The following ADORA1 variants were observed in gnomAD, a reference collection of about 807,000 sequenced individuals.
The protein encoded by ADORA1 is adenosine A1 receptor.
In ADORA1, 6 loss-of-function variants were observed where a neutral mutation model predicts 19.9. That is an observed-to-expected ratio of 0.30 (90% CI 0.17 to 0.59). The LOEUF is 0.59. ADORA1 is among the 20% of genes least tolerant of loss of function. The probability of loss-of-function intolerance (pLI) is 0.87; values close to 1 mark genes in which losing one functional copy is unlikely to be tolerated. For missense variants in ADORA1, 302 were observed against 439.2 expected, an observed-to-expected ratio of 0.69 and a Z score of 2.79; for synonymous variants, 194 against 188.4, an observed-to-expected ratio of 1.03 and a Z score of -0.24.
chr1:203,163,182 G>T (rs555974981), intron 3 of ADORA1, among the ~76,000 whole-genome samples: 7 of 152,344 alleles, frequency 4.6e-5, no homozygotes, highest in African/African-American at 1.7e-4. Flanking sequence ...GAGTTTTCCA[G>T]GTGGCCATTT....
Position 203,165,520 on chromosome 1 carries a change from C to T in ADORA1, c.601C>T (p.Leu201=), listed in dbSNP as rs144484179. ...GCTTCTCCTCATGGTCCTCATCTAC[C>T]TGGAGGTCTTCTACCTAATCCGCAA... The part of the protein sequence containing the change: ...PPLLLMVLIY[L]EVFYLIRKQL... The change falls in exon 4 of 4, where the codon CTG becomes TTG. Residue 201 remains leucine (L), a synonymous_variant. Coordinates refer to ENST00000337894, the MANE Select transcript of ADORA1 (RefSeq NM_000674.3). This position sits in a 1 kb window ranked among gnomAD's most constrained non-coding sequence, Gnocchi z 5.9. 1.9e-6 allele frequency: 3 copies of T among 1,613,618 alleles called. No homozygotes were observed. Among genetic ancestry groups the T allele is most frequent in the African/African-American group, 2.7e-5 (2 of 74,922 alleles).
At chr1:203,154,591 T>C (rs1349895927) in intron 3 of ADORA1, among the ~76,000 whole-genome samples, 1 of 152,136 alleles carries the variant, frequency 6.6e-6, no homozygotes, top group Non-Finnish European at 1.5e-5. Context: ...CTGGTGTGTG[T>C]TGGAGCCATG....
rs140921784 is a variant in ADORA1, at chr1:203,146,790, C to T, written c.341+17608C>T. On this transcript the variant is annotated intron_variant, in intron 3 of 3. Transcript: ENST00000337894. ...CTGCCTGGGTTCCTGTCGGTCCTGC[C>T]GGCTTTCTCTCGGCCTGAGTCTGCT... Among the ~76,000 whole-genome samples, 236 of 152,316 alleles carry T rather than the reference C, an allele frequency of 1.5e-3. 1 individual carries two copies. The highest frequency in any genetic ancestry group is 3.8e-3 in the African/African-American group (156 of 41,568).
At chr1:203,162,029 C>T (rs1655387461) in intron 3 of ADORA1, among the ~76,000 whole-genome samples, 1 of 152,242 alleles carries the variant, frequency 6.6e-6, no homozygotes, top group African/African-American at 2.4e-5. Context: ...GCTCCCAGCA[C>T]AGCCCTCGGG....
At chr1:203,151,500 G>C (rs1655033611) in intron 3 of ADORA1, among the ~76,000 whole-genome samples, 1 of 152,216 alleles carries the variant, frequency 6.6e-6, no homozygotes, top group African/African-American at 2.4e-5. Flanking sequence ...CTTGCAACCT[G>C]TTTTGTATCT....
intron 3 of ADORA1, among the ~76,000 whole-genome samples, chr1:203,131,431 A>C (rs1654328166): frequency 6.6e-6 from 1 of 152,238 alleles, no homozygotes; most frequent in Non-Finnish European, 1.5e-5. Flanking sequence ...AGTGTCTGGC[A>C]CATCACAGAC....
At chr1:203,130,144 C>A (rs971262167) in intron 3 of ADORA1, among the ~76,000 whole-genome samples, 4 of 152,250 alleles carry the variant, frequency 2.6e-5, no homozygotes, top group Non-Finnish European at 5.9e-5. Context: ...CTCTGGCCAT[C>A]TCCAGCACCT....
intron 3 of ADORA1, among the ~76,000 whole-genome samples, chr1:203,161,754 T>A (rs1655375642): frequency 6.6e-6 from 1 of 152,066 alleles, no homozygotes; most frequent in Non-Finnish European, 1.5e-5. Context: ...TATTTTTTTT[T>A]AGTAGAGATG....
In ADORA1 at chr1:203,165,991, C is replaced by T; in HGVS notation, c.*91C>T. On this transcript the variant is annotated 3_prime_UTR_variant, in exon 4 of 4. Transcript: ENST00000337894. This position sits in a 1 kb window ranked among gnomAD's most constrained non-coding sequence, Gnocchi z 5.9. The stretch of plus-strand genomic sequence containing the variant: ...TGTCCCAGGGGTCTCCCTGAGCCTG[C>T]CCCAGCTGGGCTGTTGGCTGGGGGC... The T allele has an allele frequency of 6.9e-7, 1 of 1,439,736 alleles. No individual in the cohort carries two copies. Among genetic ancestry groups the T allele is most frequent in the Non-Finnish European group, 9.1e-7 (1 of 1,096,334 alleles). The allele number at this position is 1,439,736 out of a possible 1,614,324, so 89.2% of individuals were successfully genotyped here. A position where few individuals can be genotyped will look rare whatever the true frequency, so the allele number is the denominator to read the frequency against.
chr1:203,151,226 T>C lies in ADORA1; in HGVS notation c.342-14035T>C, dbSNP rs112324248. On this transcript the variant is annotated intron_variant, in intron 3 of 3. Transcript: ENST00000337894. ...CCTCCCATATCTCCAGTATCCTCCCTGGCCACTTCCCCAGTGGAGCTTTAC... is the reference window on the plus strand; with the variant it reads ...CCTCCCATATCTCCAGTATCCTCCCCGGCCACTTCCCCAGTGGAGCTTTAC... Among the ~76,000 whole-genome samples, 1,477 of 152,320 alleles carry C rather than the reference T, an allele frequency of 9.7e-3. 18 individuals carry two copies. Among genetic ancestry groups the C allele is most frequent in the South Asian group, 0.03 (144 of 4,826 alleles).
chr1:203,141,572 ATTTTTTTTT>A (rs56188119), intron 3 of ADORA1, among the ~76,000 whole-genome samples: 15 of 73,526 alleles, frequency 2.0e-4, no homozygotes, highest in Non-Finnish European at 2.1e-4. Context: ...TCTAACCTGG[ATTTTTTTTT>A]TTTTTTTTTT....
intron 3 of ADORA1, chr1:203,150,673 A>G (rs1238758668): frequency 7.8e-7 from 1 of 1,289,710 alleles, no homozygotes; most frequent in Non-Finnish European, 1.0e-6. Context: ...TGCAGCAGGA[A>G]GAACTGAAGT....
At chr1:203,157,437 A>G (rs149400598) in intron 3 of ADORA1, among the ~76,000 whole-genome samples, 174 of 152,348 alleles carry the variant, frequency 1.1e-3, no homozygotes, top group African/African-American at 3.8e-3. Context: ...TATTGGCTCT[A>G]CTGGGCTCAG....
At chr1:203,144,753 G>A (rs1345369123) in intron 3 of ADORA1, 2 of 152,258 alleles carry the variant, frequency 1.3e-5, no homozygotes, top group African/African-American at 4.8e-5. Context: ...CTGTCTGTGA[G>A]GCAGTGCTCT....
At chr1:203,143,484 A>C (rs1571792533) in intron 3 of ADORA1, among the ~76,000 whole-genome samples, 4 of 150,318 alleles carry the variant, frequency 2.7e-5, no homozygotes, top group Admixed American at 1.3e-4. Context: ...CCCCCCACCC[A>C]CCACCACAGT....
intron 3 of ADORA1, among the ~76,000 whole-genome samples, chr1:203,133,485 C>A (rs751859121): frequency 6.6e-6 from 1 of 152,214 alleles, no homozygotes; most frequent in East Asian, 1.9e-4. Context: ...GCCCAAACAG[C>A]TTGTCAGGGG....
intron 3 of ADORA1, among the ~76,000 whole-genome samples, chr1:203,155,018 T>G (rs1003202461): frequency 1.0e-3 from 51 of 50,130 alleles, no homozygotes; most frequent in Admixed American, 3.9e-3. Context: ...TCTTCCTATT[T>G]ATTATTATTA....
intron 3 of ADORA1, among the ~76,000 whole-genome samples, chr1:203,131,894 A>G (rs1654352270): frequency 6.6e-6 from 1 of 152,174 alleles, no homozygotes; most frequent in Non-Finnish European, 1.5e-5. Context: ...CTGACATGCC[A>G]GTCAAAGGTA....
intron 3 of ADORA1, among the ~76,000 whole-genome samples, chr1:203,134,378 G>C (rs1356786905): frequency 2.0e-5 from 3 of 152,228 alleles, no homozygotes; most frequent in Non-Finnish European, 2.9e-5. Context: ...GTTGCTTTGT[G>C]ATTGAGAAGA....
Sources: allele counts gnomAD v4.1 joint callset (sites outside exome capture counted in the v4.1 genomes callset), GRCh38; gene constraint gnomAD v4.1.1; non-coding constraint Gnocchi (gnomAD v3.1); transcripts MANE v1.5; gene names NCBI Gene and HGNC (gene_info 2026-07-23, HGNC 2026-07-21).